ARIH2: variants seen among roughly 807,000 people sequenced by gnomAD.
ARIH2 encodes the protein E3 ubiquitin-protein ligase ARIH2.
A neutral mutation model predicts 79.8 loss-of-function variants in ARIH2; 12 were observed. The observed-to-expected ratio is 0.15, with a 90% CI of 0.10 to 0.24. The LOEUF (loss-of-function observed/expected upper bound fraction) is 0.24, where lower values mean the gene tolerates loss of function less well. Among genes scored for constraint, ARIH2 ranks in the 10% least tolerant of loss-of-function variants. The pLI is 1.00. For missense variants in ARIH2, 301 were observed against 618.3 expected (o/e 0.49, Z 5.44); for synonymous variants, 224 against 213.9 (o/e 1.05, Z -0.41).
chr3:48,926,182 A>C (rs2085565283), intron 2 of ARIH2, among the ~76,000 whole-genome samples: 1 of 152,060 alleles, frequency 6.6e-6, no homozygotes, highest in African/African-American at 2.4e-5. Flanking sequence ...TTTCGTTTAT[A>C]TGTAATTAAG....
intron 3 of ARIH2, among the ~76,000 whole-genome samples, chr3:48,936,354 T>C (rs376858856): frequency 1.3e-5 from 2 of 152,310 alleles, no homozygotes; most frequent in African/African-American, 4.8e-5. Context: ...TCTAACTTTA[T>C]TTCTTAAACT....
chr3:48,966,810 C>T (rs1417394274), intron 5 of ARIH2, among the ~76,000 whole-genome samples: 1 of 152,162 alleles, frequency 6.6e-6, no homozygotes, highest in African/African-American at 2.4e-5. Flanking sequence ...CTTCTAAGGA[C>T]CTTGGCAATT....
rs1453007453 is a variant in ARIH2, at chr3:48,934,997, TGA to T, written c.255+7186_255+7187del. The T allele has an allele frequency of 6.2e-6, 6 of 972,270 alleles. No homozygotes were observed. In the African/African-American group the frequency reaches 1.1e-4, roughly 17 times the overall value. 60.2% of individuals were successfully genotyped at this position (972,270 alleles called of 1,614,324 possible). On this transcript the variant is annotated intron_variant, in intron 3 of 15. Coordinates refer to ENST00000356401, the MANE Select transcript of ARIH2 (RefSeq NM_006321.4). ...TTTTTTGACATTTATATTTTAATCT[TGA>T]GTTTATAAATTTTTTTGTCAAGATG...
At chr3:48,958,565 C>T (rs1047185167) in intron 3 of ARIH2, among the ~76,000 whole-genome samples, 1 of 152,036 alleles carries the variant, frequency 6.6e-6, no homozygotes, top group Non-Finnish European at 1.5e-5. Flanking sequence ...CAAAAATTAG[C>T]TGGGCGTGGT....
At chr3:48,954,695 T>TGAATTGGA (rs1245126511) in intron 3 of ARIH2, among the ~76,000 whole-genome samples, 1 of 152,144 alleles carries the variant, frequency 6.6e-6, no homozygotes, top group Admixed American at 6.6e-5. Flanking sequence ...ATAGTGGAAA[T>TGAATTGGA]GAATTGGAGA....
At chr3:48,975,624 G>A (rs2092455503) in intron 11 of ARIH2, among the ~76,000 whole-genome samples, 1 of 151,880 alleles carries the variant, frequency 6.6e-6, no homozygotes, top group Admixed American at 6.6e-5. Flanking sequence ...GAGTGCAGTG[G>A]CGCAGTCTTG....
chr3:48,948,001 C>T lies in ARIH2; in HGVS notation c.256-13611C>T, dbSNP rs527433019. Among the ~76,000 whole-genome samples the T allele has an allele frequency of 4.1e-4, 62 of 152,172 alleles. 1 individual carries two copies. In the South Asian group the frequency reaches 0.012, roughly 30 times the overall value. On this transcript the variant is annotated intron_variant, in intron 3 of 15. Coordinates refer to ENST00000356401, the MANE Select transcript of ARIH2 (RefSeq NM_006321.4). ...TTTTTGAGACAGTCTTGCTCTGTCA[C>T]CCAGGCTAGAGTGCAGTGGTGTGAT...
At chr3:48,983,085 G>A (rs1050341200) in intron 15 of ARIH2, 106 bp downstream of exon 15, 60 of 1,496,722 alleles carry the variant, frequency 4.0e-5, no homozygotes, top group Non-Finnish European at 5.6e-5. Flanking sequence ...TGCTAAGAAT[G>A]GGAAGGGCAG....
At chr3:48,932,209 T>C (rs186663224) in intron 3 of ARIH2, among the ~76,000 whole-genome samples, 1 of 152,156 alleles carries the variant, frequency 6.6e-6, no homozygotes, top group African/African-American at 2.4e-5. Flanking sequence ...GTTAGTGTGG[T>C]GGGGAAGCTG....
Position 48,981,754 on chromosome 3 carries a change from T to C in ARIH2, c.1326+26T>C. 1.3e-6 allele frequency: 2 copies of C among 1,592,160 alleles called. 1 individual carries two copies. The highest frequency in any genetic ancestry group is 2.2e-5 in the South Asian group (2 of 90,588). On this transcript the variant is annotated intron_variant, in intron 14 of 15. Transcript: ENST00000356401. The stretch of plus-strand genomic sequence containing the variant: ...GTAAGGCAAAGCAATTTTTCTACTC[T>C]GTCCCGTTAGCCTCAAAGGTGCCCT...
chr3:48,959,238 C>T (rs2090974481), intron 3 of ARIH2, among the ~76,000 whole-genome samples: 1 of 150,400 alleles, frequency 6.6e-6, no homozygotes, highest in African/African-American at 2.4e-5. Flanking sequence ...ATGGCGTGAA[C>T]CCGGGAGGTG....
intron 3 of ARIH2, among the ~76,000 whole-genome samples, chr3:48,940,808 A>AAAATAT (rs759369585): frequency 0.046 from 4,525 of 97,668 alleles, 178 homozygotes; most frequent in Non-Finnish European, 0.056. Context: ...AAAAAAAAAA[A>AAAATAT]ATATATATAT....
chr3:48,927,496 A>G lies in ARIH2; in HGVS notation c.-63A>G. On this transcript the variant is annotated 5_prime_UTR_variant, in exon 3 of 16. It removes the in-frame stop codon of an upstream open reading frame in the 5' UTR. Coordinates refer to ENST00000356401, the MANE Select transcript of ARIH2 (RefSeq NM_006321.4). ...ATACTAATGCATTTGAGAAAGCGGT[A>G]GTTTTGGGGGGAGGGGGAAAAAGCA... The G allele has an allele frequency of 2.6e-6, 4 of 1,564,740 alleles. No individual in the cohort carries two copies. Among genetic ancestry groups the G allele is most frequent in the African/African-American group, 1.4e-5 (1 of 72,600 alleles).
rs1277469346 is a variant in ARIH2, at chr3:48,985,841, G to A, written c.*2571G>A. On this transcript the variant is annotated 3_prime_UTR_variant, in exon 16 of 16. Transcript: ENST00000356401. ...GATCCCAGGGTTGTGGTAGAGTACT[G>A]ATATAAATGTCCCAACCCCCCCATT... 1 of 152,214 alleles carries A rather than the reference G, an allele frequency of 6.6e-6. No homozygotes were observed. Among genetic ancestry groups the A allele is most frequent in the African/African-American group, 2.4e-5 (1 of 41,432 alleles). The allele number at this position is 152,214 out of a possible 1,614,324, so 9.4% of individuals were successfully genotyped here.
chr3:48,933,734 G>A (rs2086723291), intron 3 of ARIH2, among the ~76,000 whole-genome samples: 1 of 151,190 alleles, frequency 6.6e-6, no homozygotes, highest in African/African-American at 2.4e-5. Flanking sequence ...TGTATTTTTA[G>A]TAGAGACGGG....
At chr3:48,919,185 C>T in intron 1 of ARIH2, 187 bp downstream of exon 1, 7 of 1,298,160 alleles carry the variant, frequency 5.4e-6, no homozygotes, top group Non-Finnish European at 5.9e-6. Context: ...CAGCGTGTGT[C>T]TGCCTTTTTT....
intron 3 of ARIH2, among the ~76,000 whole-genome samples, chr3:48,946,314 C>G (rs182316140): frequency 6.6e-6 from 1 of 151,990 alleles, no homozygotes; most frequent in Non-Finnish European, 1.5e-5. Context: ...TCCCAAGCAG[C>G]CATCTACTCT....
chr3:48,981,620 A>G, intron 13 of ARIH2, 40 bp from the exon 14 acceptor site: 1 of 1,568,922 alleles, frequency 6.4e-7, no homozygotes, highest in Admixed American at 1.7e-5. Flanking sequence ...GGTAGCTTAG[A>G]ATCACAGACA....
At chr3:48,934,395 C>A in intron 3 of ARIH2, 1 of 972,864 alleles carries the variant, frequency 1.0e-6, no homozygotes. Flanking sequence ...TTTTTATTTA[C>A]TTACAGTCAT....
Sources: gnomAD v4.1 joint callset for allele counts (sites outside exome capture counted in the v4.1 genomes callset) on GRCh38, gnomAD v4.1.1 for gene constraint, MANE v1.5 for transcripts, NCBI Gene and HGNC (gene_info 2026-07-23, HGNC 2026-07-21) for gene names.